The following ADK variants were observed in gnomAD, a reference collection of about 807,000 sequenced individuals.
ADK encodes the protein N6,N6-dimethyladenosine kinase.
In ADK, 24 loss-of-function variants were observed where a neutral mutation model predicts 44.7. The observed-to-expected ratio is 0.54, with a 90% confidence interval of 0.39 to 0.76. The LOEUF (loss-of-function observed/expected upper bound fraction) is 0.76. Among genes scored for constraint, ADK ranks in the 30% least tolerant of loss-of-function variants. ADK has a pLI of 0.00. For missense variants in ADK, 321 were observed against 425.1 expected (o/e 0.76, Z 2.15); for synonymous variants, 128 against 142.6 (o/e 0.90, Z 0.73).
chr10:74,199,836 C>T (rs754912792), intron 1 of ADK, among the ~76,000 whole-genome samples: 3 of 152,036 alleles, frequency 2.0e-5, no homozygotes, highest in Non-Finnish European at 4.4e-5. Context: ...CTCGCCACTA[C>T]ACCTGGCTAA....
intron 9 of ADK, among the ~76,000 whole-genome samples, chr10:74,615,150 T>C (rs767296053): frequency 3.5e-4 from 54 of 152,346 alleles, no homozygotes; most frequent in Admixed American, 5.9e-4. Flanking sequence ...TACCCTTGTA[T>C]GAGAAAGAGA....
intron 7 of ADK, among the ~76,000 whole-genome samples, chr10:74,564,584 A>G (rs1469652945): frequency 1.3e-5 from 2 of 151,554 alleles, no homozygotes; most frequent in Non-Finnish European, 2.9e-5. Context: ...ACAGTTTTTG[A>G]TATTTATTTT....
chr10:74,151,736 A>G (rs923009806), intron 1 of ADK, among the ~76,000 whole-genome samples: 2 of 152,156 alleles, frequency 1.3e-5, no homozygotes, highest in African/African-American at 4.8e-5. Flanking sequence ...ACTGCTGTAC[A>G]CTGGGGCAAA....
chr10:74,195,476 T>C (rs1312374037), intron 1 of ADK, among the ~76,000 whole-genome samples: 4 of 152,114 alleles, frequency 2.6e-5, no homozygotes, highest in African/African-American at 9.7e-5. Flanking sequence ...TTTTATATGC[T>C]ACTTTATTTA....
intron 3 of ADK, among the ~76,000 whole-genome samples, chr10:74,306,350 C>T (rs1840248386): frequency 6.6e-6 from 1 of 151,930 alleles, no homozygotes; most frequent in South Asian, 2.1e-4. Context: ...TTCTAGCTGT[C>T]TGAAGAGTCC....
intron 1 of ADK, among the ~76,000 whole-genome samples, chr10:74,186,229 T>TCCTTTC (rs989909689): frequency 6.4e-5 from 3 of 46,816 alleles, no homozygotes; most frequent in African/African-American, 1.5e-4. Context: ...TCCCTTCCCC[T>TCCTTTC]CCTTTCCCTT....
Position 74,596,151 on chromosome 10 carries a change from TA to T in ADK, c.763-4219del, listed in dbSNP as rs112918678. On this transcript the variant is annotated intron_variant, in intron 8 of 10. Coordinates refer to ENST00000539909, the MANE Select transcript of ADK (RefSeq NM_006721.4). ...GGATGAACATGCTATAGTTTTGTGA[TA>T]AAAAAAAACAACAAAAAGCACATTG... is the stretch of plus-strand genomic sequence containing the variant. Among the ~76,000 whole-genome samples, 1,430 of 151,156 alleles carry T rather than the reference TA, an allele frequency of 9.5e-3. 21 individuals carry two copies. The highest frequency in any genetic ancestry group is 0.03 in the African/African-American group (1,220 of 41,174).
At chr10:74,486,635 T>C (rs1435710699) in intron 6 of ADK, among the ~76,000 whole-genome samples, 1 of 152,192 alleles carries the variant, frequency 6.6e-6, no homozygotes, top group African/African-American at 2.4e-5. Flanking sequence ...GAGGCTATAA[T>C]GTGAGTTTGA....
chr10:74,401,998 A>C (rs185338416), intron 6 of ADK, among the ~76,000 whole-genome samples: 1 of 152,258 alleles, frequency 6.6e-6, no homozygotes, highest in East Asian at 1.9e-4. Flanking sequence ...TTCACTTATG[A>C]AGCTTAGTTT....
intron 9 of ADK, among the ~76,000 whole-genome samples, chr10:74,621,842 T>C (rs1217177603): frequency 1.3e-5 from 2 of 152,208 alleles, no homozygotes; most frequent in African/African-American, 4.8e-5. Flanking sequence ...GGTTGGGTTA[T>C]AGTTTTTGTA....
intron 10 of ADK, among the ~76,000 whole-genome samples, chr10:74,682,570 CTTTTCT>C (rs1435733047): frequency 0.01 from 935 of 90,752 alleles, 6 homozygotes; most frequent in African/African-American, 0.024. Flanking sequence ...CTTTTCTTTT[CTTTTCT>C]TTTTTTTTTT....
At chr10:74,509,797 C>CT (rs751776663) in intron 6 of ADK, among the ~76,000 whole-genome samples, 6 of 152,092 alleles carry the variant, frequency 3.9e-5, no homozygotes, top group East Asian at 3.9e-4. Flanking sequence ...ATAAGATCAA[C>CT]TTTTTTTTAT....
At chr10:74,167,686 A>G (rs1842067098) in intron 1 of ADK, among the ~76,000 whole-genome samples, 1 of 152,202 alleles carries the variant, frequency 6.6e-6, no homozygotes. Context: ...AGAATCTGGC[A>G]TAGCATCACC....
chr10:74,243,040 A>G (rs1216381351), intron 3 of ADK, among the ~76,000 whole-genome samples: 1 of 152,234 alleles, frequency 6.6e-6, no homozygotes, highest in African/African-American at 2.4e-5. Flanking sequence ...GCAGGTACCC[A>G]AAAAGGCTGT....
chr10:74,265,482 G>A (rs1846182680), intron 3 of ADK, among the ~76,000 whole-genome samples: 1 of 152,120 alleles, frequency 6.6e-6, no homozygotes, highest in Non-Finnish European at 1.5e-5. Context: ...CAAAAGTGCT[G>A]GCTGAGATTA....
chr10:74,504,229 TG>T (rs1451136785), intron 6 of ADK, among the ~76,000 whole-genome samples: 4 of 152,086 alleles, frequency 2.6e-5, no homozygotes, highest in African/African-American at 9.7e-5. Context: ...TTACTGTTGT[TG>T]TTTTTTTTTT....
intron 3 of ADK, among the ~76,000 whole-genome samples, chr10:74,276,826 G>C (rs934315216): frequency 6.6e-6 from 1 of 151,592 alleles, no homozygotes; most frequent in Non-Finnish European, 1.5e-5. Context: ...GTTTTAAATT[G>C]ATCTCTTTTG....
chr10:74,630,952 A>G (rs147561161), intron 9 of ADK, among the ~76,000 whole-genome samples: 2 of 151,922 alleles, frequency 1.3e-5, no homozygotes, highest in East Asian at 1.9e-4. Context: ...ATTTTATTCT[A>G]TTATTTAAAA....
intron 1 of ADK, among the ~76,000 whole-genome samples, chr10:74,192,651 T>C (rs1192760092): frequency 6.6e-6 from 1 of 152,100 alleles, no homozygotes; most frequent in Non-Finnish European, 1.5e-5. Flanking sequence ...CTCAGCTTCC[T>C]GAGGAACTAG....
Sources: allele counts gnomAD v4.1 joint callset (sites outside exome capture counted in the v4.1 genomes callset), GRCh38; gene constraint gnomAD v4.1.1; transcripts MANE v1.5; gene names NCBI Gene and HGNC (gene_info 2026-07-23, HGNC 2026-07-21).